PRPF8: variants seen among roughly 807,000 people sequenced by gnomAD.
PRPF8 encodes the protein pre-mRNA-processing-splicing factor 8.
In PRPF8, 64 loss-of-function variants were observed where a neutral mutation model predicts 285.9. The ratio of observed to expected loss-of-function variants is 0.22; its 90% CI spans 0.18 to 0.28. PRPF8 has a LOEUF of 0.28. Among genes scored for constraint, PRPF8 ranks in the 10% least tolerant of loss-of-function variants. The probability of loss-of-function intolerance (pLI) is 1.00; values close to 1 mark genes in which losing one functional copy is unlikely to be tolerated. For missense variants in PRPF8, 1,426 were observed against 3,026.7 expected (o/e 0.47, Z 12.41); for synonymous variants, 1,325 against 1,118.2 (o/e 1.18, Z -3.69).
chr17:1,651,416 G>A lies in PRPF8; in HGVS notation c.6648C>T (p.Cys2216=). The A allele has an allele frequency of 6.2e-7, 1 of 1,614,152 alleles. No homozygotes were observed. Among genetic ancestry groups the A allele is most frequent in the Non-Finnish European group, 8.5e-7 (1 of 1,180,018 alleles). Residue 2216 remains cysteine (C), a splice_region_variant and synonymous_variant, in exon 41 of 43, where the codon TGC becomes TGT. Coordinates refer to ENST00000304992, the MANE Select transcript of PRPF8 (RefSeq NM_006445.4). The surrounding 1 kb of genome is among the most constrained non-coding windows in gnomAD (Gnocchi z 5.1). ...WDGEKTIIIT[C]SFTPGSCTLT... is the part of the protein sequence containing the mutation. ...CCTCCCAAGGAGCCCAGGCCCACCT[G>A]CATGTGATGATAATGGTCTTCTCGC...
rs767266645 is a variant in PRPF8 at position 1,676,074 on chromosome 17, G to C, written c.2553-20C>G. ...TTCACACTGACAAAAGCAATGGGAA[G>C]GGTGAATGGGAAAACTAGGAGGAAG... On this transcript the variant is annotated intron_variant, in intron 17 of 42. Coordinates refer to ENST00000304992, the MANE Select transcript of PRPF8 (RefSeq NM_006445.4). This position sits in a 1 kb window ranked among gnomAD's most constrained non-coding sequence, Gnocchi z 6.3. 6 of 1,612,606 alleles carry C rather than the reference G, an allele frequency of 3.7e-6. No homozygotes were observed. The Admixed American group carries it at 6.7e-5, about 18-fold the overall frequency.
intron 37 of PRPF8, 41 bp downstream of exon 37, chr17:1,655,309 T>C (rs533087289): frequency 6.2e-7 from 1 of 1,609,034 alleles, no homozygotes; most frequent in East Asian, 2.2e-5. Context: ...CAGAAAACCG[T>C]ATATAGACCT....
intron 24 of PRPF8, among the ~76,000 whole-genome samples, chr17:1,666,193 A>C (rs912563194): frequency 1.3e-4 from 19 of 151,892 alleles, no homozygotes; most frequent in African/African-American, 4.6e-4. Flanking sequence ...AAGGTCCAAA[A>C]TTGATAATCT....
chr17:1,666,900 T>C (rs1291608858), intron 24 of PRPF8, among the ~76,000 whole-genome samples: 1 of 151,868 alleles, frequency 6.6e-6, no homozygotes, highest in African/African-American at 2.4e-5. Context: ...GGGGGCCGGG[T>C]GCGGTGGCTC....
intron 34 of PRPF8, among the ~76,000 whole-genome samples, chr17:1,657,991 G>C (rs201535685): frequency 1.4e-5 from 2 of 142,472 alleles, no homozygotes; most frequent in South Asian, 2.2e-4. Context: ...AAAAAAAAAA[G>C]AGTATGCGTT....
chr17:1,678,743 T>A lies in PRPF8; in HGVS notation c.1719+19A>T. 6.2e-7 allele frequency: 1 copy of A among 1,614,056 alleles called. No individual in the cohort carries two copies. Among genetic ancestry groups the A allele is most frequent in the South Asian group, 1.1e-5 (1 of 91,086 alleles). The stretch of plus-strand genomic sequence containing the variant: ...CCAGCGTCCTCACCCAGGCAGGGGT[T>A]GGGAATACCTAACCTTACCTGGAAG... On this transcript the variant is annotated intron_variant, in intron 12 of 42. Coordinates refer to ENST00000304992, the MANE Select transcript of PRPF8 (RefSeq NM_006445.4).
chr17:1,666,446 G>C (rs1265896691), intron 24 of PRPF8, among the ~76,000 whole-genome samples: 2 of 151,760 alleles, frequency 1.3e-5, no homozygotes, highest in East Asian at 3.9e-4. Flanking sequence ...AGCTACTTGG[G>C]AGGCTAAGGT....
At chr17:1,684,114 T>C (rs936149455) in intron 2 of PRPF8, among the ~76,000 whole-genome samples, 7 of 152,160 alleles carry the variant, frequency 4.6e-5, no homozygotes, top group African/African-American at 1.7e-4. Flanking sequence ...CTCGAACTCC[T>C]GACCTCAGGT....
chr17:1,660,281 G>A, intron 30 of PRPF8, 151 bp downstream of exon 30: 1 of 1,433,348 alleles, frequency 7.0e-7, no homozygotes. Context: ...ACTCTCTACA[G>A]TACCCTCTCC....
intron 34 of PRPF8, among the ~76,000 whole-genome samples, chr17:1,657,047 GA>G (rs1236199665): frequency 6.6e-6 from 1 of 152,112 alleles, no homozygotes; most frequent in African/African-American, 2.4e-5. Flanking sequence ...ACTAGGATCA[GA>G]AAAAAGCTGC....
At chr17:1,665,539 A>G (rs1911923076) in intron 24 of PRPF8, among the ~76,000 whole-genome samples, 1 of 149,458 alleles carries the variant, frequency 6.7e-6, no homozygotes, top group African/African-American at 2.5e-5. Context: ...CTCCGTCTCA[A>G]ACAAAAAAAA....
intron 34 of PRPF8, among the ~76,000 whole-genome samples, chr17:1,657,811 T>C (rs1410713336): frequency 7.2e-6 from 1 of 139,622 alleles, no homozygotes; most frequent in East Asian, 2.1e-4. Flanking sequence ...TACTAAAAAA[T>C]ACAAAAAAAA....
At chr17:1,680,450 AAAAC>A (rs1291968872) in intron 8 of PRPF8, 4 of 539,650 alleles carry the variant, frequency 7.4e-6, no homozygotes, top group East Asian at 6.6e-5. Context: ...TATAAAGGCT[AAAAC>A]AAACAAACAC....
Position 1,674,433 on chromosome 17 carries a change from A to C in PRPF8, c.3299+9T>G. ...CCCTGCAAGGCTAGGAATCCAGGAAAGCCCTCACCTGAAAAAAATATGGAT... is the reference window on the plus strand; with the variant it reads ...CCCTGCAAGGCTAGGAATCCAGGAACGCCCTCACCTGAAAAAAATATGGAT... On this transcript the variant is annotated intron_variant, in intron 21 of 42. Transcript: ENST00000304992. 1 of 1,613,438 alleles carries C rather than the reference A, an allele frequency of 6.2e-7. No homozygotes were observed.
At chr17:1,652,401 G>A (rs771257572) in intron 39 of PRPF8, among the ~76,000 whole-genome samples, 12 of 152,134 alleles carry the variant, frequency 7.9e-5, no homozygotes, top group East Asian at 1.9e-4. Context: ...ACCATGCCCC[G>A]CTAATTTTCA....
chr17:1,659,135 C>T lies in PRPF8; in HGVS notation c.5138+222G>A, dbSNP rs533933869. 1.5e-6 allele frequency: 1 copy of T among 659,828 alleles called. No individual in the cohort carries two copies. Among genetic ancestry groups the T allele is most frequent in the Admixed American group, 2.4e-5 (1 of 40,870 alleles). 40.9% of individuals were successfully genotyped at this position (659,828 alleles called of 1,614,324 possible). On this transcript the variant is annotated intron_variant, in intron 32 of 42. Transcript: ENST00000304992. This position sits in a 1 kb window ranked among gnomAD's most constrained non-coding sequence, Gnocchi z 5.1. ...CCGCCTCCCGGGTTCAAGTAATTCT[C>T]CCACCTCAACCTTCTGAGTAGCTGG...
rs982589903 is a variant in PRPF8, at chr17:1,653,838, T to C, written c.6166A>G (p.Thr2056Ala). 6.2e-7 allele frequency: 1 copy of C among 1,613,926 alleles called. No homozygotes were observed. Among genetic ancestry groups the C allele is most frequent in the Non-Finnish European group, 8.5e-7 (1 of 1,180,002 alleles). Residue 2056 changes from threonine to alanine, a missense_variant, in exon 38 of 43, where the codon ACC becomes GCC. This residue lies in a region of PRPF8 where 160 missense variants were observed against 373.7 expected (regional missense o/e 0.43). Transcript: ENST00000304992. The surrounding 1 kb of genome is among the most constrained non-coding windows in gnomAD (Gnocchi z 4.9). ...GTCTCATAGTTGCTGGTGGTGGAGGTGATGATCTCATCGCCATGCTTGTTG... is the reference window on the plus strand; with the variant it reads ...GTCTCATAGTTGCTGGTGGTGGAGGCGATGATCTCATCGCCATGCTTGTTG... The part of the protein sequence containing the change: ...TVNKHGDEII[T>A]STTSNYETQT...
Position 1,677,691 on chromosome 17 carries a change from G to A in PRPF8, c.1858C>T (p.Pro620Ser). The change falls in exon 14 of 43, where the codon CCT (proline) becomes TCT (serine). Residue 620 changes from proline to serine, a missense_variant. Coordinates refer to ENST00000304992, the MANE Select transcript of PRPF8 (RefSeq NM_006445.4). ...HLIYYRFNTG[P>S]VGKGPGCGFW... ...CCACAGCCAGGACCCTTCCCTACAGGGCCCTACGATCCCAAGCAGAAGTTA... is the reference window on the plus strand; with the variant it reads ...CCACAGCCAGGACCCTTCCCTACAGAGCCCTACGATCCCAAGCAGAAGTTA... The A allele has an allele frequency of 4.3e-6, 7 of 1,613,716 alleles. No individual in the cohort carries two copies. The highest frequency in any genetic ancestry group is 5.9e-6 in the Non-Finnish European group (7 of 1,179,982).
rs1911415132 is a variant in PRPF8 at position 1,656,869 on chromosome 17, C to T, written c.5506-108G>A. 7 of 1,019,814 alleles carry T rather than the reference C, an allele frequency of 6.9e-6. No individual in the cohort carries two copies. In the South Asian group the frequency reaches 9.5e-5, roughly 14 times the overall value. 63.2% of individuals were successfully genotyped at this position (1,019,814 alleles called of 1,614,324 possible). ...AATCCAACTACGTTTCTATTGAACA[C>T]TGATGTTAAATGTTAGGCACTTAGA... On this transcript the variant is annotated intron_variant, in intron 34 of 42. Transcript: ENST00000304992.
Sources: gnomAD v4.1 joint callset for allele counts (sites outside exome capture counted in the v4.1 genomes callset) on GRCh38, gnomAD v4.1.1 for gene constraint, gnomAD v4.1.1 regional missense constraint, Gnocchi (gnomAD v3.1) non-coding constraint, MANE v1.5 for transcripts, NCBI Gene and HGNC (gene_info 2026-07-23, HGNC 2026-07-21) for gene names.